Variants in CCDC171 observed in about 807,000 individuals in gnomAD.
The protein encoded by CCDC171 is coiled-coil domain containing 171, also known as coiled-coil domain-containing protein 171.
In CCDC171, 177 loss-of-function variants were observed where a neutral mutation model predicts 168.2. The observed-to-expected ratio is 1.05, with a 90% confidence interval of 0.93 to 1.19. The LOEUF (loss-of-function observed/expected upper bound fraction) is 1.19. Ranked by LOEUF, CCDC171 falls within the 50% of genes most tolerant of loss-of-function variation. The pLI is 0.00. For missense variants in CCDC171, 1,991 were observed against 1,539.0 expected, an observed-to-expected ratio of 1.29 and a Z score of -4.91; for synonymous variants, 687 against 540.8, an observed-to-expected ratio of 1.27 and a Z score of -3.75.
intron 25 of CCDC171, among the ~76,000 whole-genome samples, chr9:15,949,357 A>G (rs1828833430): frequency 6.6e-6 from 1 of 152,164 alleles, no homozygotes; most frequent in Admixed American, 6.5e-5. Context: ...AATTCTGTGA[A>G]GAAAGTCATT....
intron 21 of CCDC171, among the ~76,000 whole-genome samples, chr9:15,827,328 A>G (rs1279553908): frequency 1.3e-5 from 2 of 151,996 alleles, no homozygotes; most frequent in South Asian, 2.1e-4. Context: ...ATTAATTTCT[A>G]TCTTCTACAG....
At chr9:15,949,090 C>T (rs1451677350) in intron 25 of CCDC171, among the ~76,000 whole-genome samples, 2 of 152,026 alleles carry the variant, frequency 1.3e-5, no homozygotes, top group Non-Finnish European at 2.9e-5. Context: ...ATCCTTTCCC[C>T]ATTGCTTGTT....
At chr9:15,850,623 C>G (rs976165130) in intron 23 of CCDC171, among the ~76,000 whole-genome samples, 4 of 152,000 alleles carry the variant, frequency 2.6e-5, no homozygotes, top group African/African-American at 9.6e-5. Context: ...GTAGTGAAAA[C>G]TTAGGAAAGA....
chr9:15,636,841 T>C (rs887934001), intron 7 of CCDC171, among the ~76,000 whole-genome samples: 3 of 151,644 alleles, frequency 2.0e-5, no homozygotes, highest in Non-Finnish European at 4.4e-5. Flanking sequence ...TTAAGGATGC[T>C]AGAAAACTCT....
rs943287931 is a variant in CCDC171, at chr9:15,644,043, C to T, written c.823-13084C>T. 3.3e-5 allele frequency among the ~76,000 whole-genome samples: 5 copies of T among 152,186 alleles called. No homozygotes were observed. The East Asian group carries it at 9.6e-4, about 29-fold the overall frequency. ...AAAAATGGTGCTATAAACTTTTGTG[C>T]ATAATTTTTTGAATCTGTTTTCATT... On this transcript the variant is annotated intron_variant, in intron 7 of 25. Coordinates refer to ENST00000380701, the MANE Select transcript of CCDC171 (RefSeq NM_173550.4).
chr9:15,581,360 G>A (rs2041101103), intron 4 of CCDC171, among the ~76,000 whole-genome samples: 3 of 152,144 alleles, frequency 2.0e-5, no homozygotes, highest in African/African-American at 7.2e-5. Context: ...ACTGCCCAAA[G>A]TAATGTATAG....
intron 6 of CCDC171, among the ~76,000 whole-genome samples, chr9:15,610,158 A>C (rs1261075657): frequency 2.0e-5 from 3 of 151,950 alleles, no homozygotes; most frequent in Non-Finnish European, 4.4e-5. Flanking sequence ...TTGAGGATAT[A>C]AGTCATACTT....
intron 6 of CCDC171, among the ~76,000 whole-genome samples, chr9:15,616,844 A>G (rs541755250): frequency 6.9e-4 from 105 of 152,316 alleles, no homozygotes; most frequent in South Asian, 1.2e-3. Context: ...TACTATTTGT[A>G]TTTGGCCATT....
intron 23 of CCDC171, among the ~76,000 whole-genome samples, chr9:15,853,449 C>G (rs2061220509): frequency 6.6e-6 from 1 of 151,632 alleles, no homozygotes; most frequent in South Asian, 2.1e-4. Context: ...TTCATCTTTT[C>G]TCCTGTAACT....
chr9:15,845,451 C>T lies in CCDC171; in HGVS notation c.3268-1251C>T, dbSNP rs115388285. Among the ~76,000 whole-genome samples, 316 of 152,014 alleles carry T rather than the reference C, an allele frequency of 2.1e-3. 2 individuals carry two copies. Among genetic ancestry groups the T allele is most frequent in the African/African-American group, 7.1e-3 (294 of 41,518 alleles). ...TTAAAACTTTCAACATTTAAAAATA[C>T]CTGGTTTGACTGATGATGGCTTGCA... On this transcript the variant is annotated intron_variant, in intron 21 of 25. Transcript: ENST00000380701.
intron 25 of CCDC171, among the ~76,000 whole-genome samples, chr9:15,949,925 T>C (rs1359799238): frequency 6.6e-6 from 1 of 152,168 alleles, no homozygotes; most frequent in Non-Finnish European, 1.5e-5. Context: ...CCATTCAGTA[T>C]GATATTGGCT....
the CCDC171 span, among the ~76,000 whole-genome samples, chr9:16,089,658 T>C: frequency 6.6e-6 from 1 of 152,100 alleles, no homozygotes; most frequent in African/African-American, 2.4e-5. Flanking sequence ...TGCTTGTTTT[T>C]GTCAGAAAAC....
At chr9:15,705,274 GA>G (rs1308971130) in intron 11 of CCDC171, among the ~76,000 whole-genome samples, 2 of 152,134 alleles carry the variant, frequency 1.3e-5, no homozygotes, top group Non-Finnish European at 2.9e-5. Flanking sequence ...TGTAAAGCTG[GA>G]CGGAAACTAC....
intron 24 of CCDC171, among the ~76,000 whole-genome samples, chr9:15,897,564 C>G (rs1243842627): frequency 6.6e-6 from 1 of 151,900 alleles, no homozygotes; most frequent in Non-Finnish European, 1.5e-5. Flanking sequence ...TTTACATAAA[C>G]AAAAATCTGT....
intron 21 of CCDC171, among the ~76,000 whole-genome samples, chr9:15,823,175 G>C (rs9406539): frequency 6.6e-6 from 1 of 151,796 alleles, no homozygotes; most frequent in African/African-American, 2.4e-5. Flanking sequence ...TCACACACCG[G>C]GTTTGTTGTG....
chr9:15,584,906 G>T, intron 4 of CCDC171, among the ~76,000 whole-genome samples: 1 of 152,176 alleles, frequency 6.6e-6, no homozygotes, highest in Non-Finnish European at 1.5e-5. Context: ...GTCCTGGAAA[G>T]ATGGGAAGTT....
intron 21 of CCDC171, among the ~76,000 whole-genome samples, chr9:15,819,158 T>C (rs1319328786): frequency 3.4e-5 from 4 of 117,090 alleles, no homozygotes; most frequent in Admixed American, 8.1e-5. Context: ...GATTTTGTCA[T>C]CACCAGGCCT....
chr9:15,793,057 G>C (rs2058351860), intron 21 of CCDC171, among the ~76,000 whole-genome samples: 1 of 152,152 alleles, frequency 6.6e-6, no homozygotes, highest in Admixed American at 6.5e-5. Context: ...AGACCCATCA[G>C]TGTGCTGTAT....
intron 6 of CCDC171, among the ~76,000 whole-genome samples, chr9:15,606,550 T>C (rs140338955): frequency 2.0e-5 from 3 of 152,272 alleles, no homozygotes; most frequent in African/African-American, 4.8e-5. Flanking sequence ...TAGATTAAGG[T>C]TGTAGTTAGC....
Sources: gnomAD v4.1 joint callset for allele counts (sites outside exome capture counted in the v4.1 genomes callset) on GRCh38, gnomAD v4.1.1 for gene constraint, MANE v1.5 for transcripts, NCBI Gene and HGNC (gene_info 2026-07-23, HGNC 2026-07-21) for gene names.